The following ARHGAP22 variants were observed in gnomAD, a reference collection of about 807,000 sequenced individuals.
ARHGAP22 encodes rho GTPase-activating protein 22.
A neutral mutation model predicts 59.1 loss-of-function variants in ARHGAP22; 48 were observed. The ratio of observed to expected loss-of-function variants is 0.81; its 90% CI spans 0.64 to 1.03. ARHGAP22 has a LOEUF of 1.03. Among genes scored for constraint, ARHGAP22 ranks in the 50% least tolerant of loss-of-function variants. ARHGAP22 has a pLI of 0.00. For synonymous variants in ARHGAP22, 445 were observed against 416.4 expected, an observed-to-expected ratio of 1.07 and a Z score of -0.84; for missense variants, 1,015 against 958.7, an observed-to-expected ratio of 1.06 and a Z score of -0.78.
At chr10:48,439,646 G>A in the ARHGAP22 span, among the ~76,000 whole-genome samples, 1 of 152,082 alleles carries the variant, frequency 6.6e-6, no homozygotes, top group Admixed American at 6.5e-5. Context: ...AACAGCCATC[G>A]TGACCACTTG....
At chr10:48,649,540 G>A (rs762457638) in intron 1 of ARHGAP22, among the ~76,000 whole-genome samples, 14 of 152,172 alleles carry the variant, frequency 9.2e-5, no homozygotes, top group African/African-American at 2.9e-4. Context: ...CTGTGATCCC[G>A]AGGCACAGTG....
Position 48,479,727 on chromosome 10 carries a change from G to A in ARHGAP22, c.360C>T (p.Pro120=), listed in dbSNP as rs144576971. Residue 120 remains proline, a synonymous_variant, in exon 4 of 10, where the codon CCC becomes CCT. Transcript: ENST00000249601. ...AGEREKVPAN[P]EALLLMASSQ... The stretch of plus-strand genomic sequence containing the variant: ...AGCTGGCCATGAGCAGGAGCGCCTC[G>A]GGGTTGGCCGGCACCTTCTCCCGCT... The A allele has an allele frequency of 1.6e-4, 252 of 1,602,068 alleles. 1 individual carries two copies. The highest frequency in any genetic ancestry group is 3.4e-4 in the Admixed American group (20 of 59,128).
At chr10:48,615,986 A>C (rs554115892) in intron 1 of ARHGAP22, among the ~76,000 whole-genome samples, 1 of 152,056 alleles carries the variant, frequency 6.6e-6, no homozygotes, top group East Asian at 1.9e-4. Context: ...GAAGATGAGC[A>C]AAGCCTAAGA....
intron 1 of ARHGAP22, among the ~76,000 whole-genome samples, chr10:48,622,893 A>G (rs1375086566): frequency 6.6e-6 from 1 of 152,214 alleles, no homozygotes; most frequent in Non-Finnish European, 1.5e-5. Flanking sequence ...AAGAGCCACT[A>G]AAGTAGTGGG....
intron 3 of ARHGAP22, among the ~76,000 whole-genome samples, chr10:48,516,154 T>G (rs1057402680): frequency 6.6e-6 from 1 of 152,012 alleles, no homozygotes; most frequent in Non-Finnish European, 1.5e-5. Flanking sequence ...AAAAATAAAA[T>G]TATTAAAATC....
chr10:48,628,100 G>A (rs763761660), intron 1 of ARHGAP22, among the ~76,000 whole-genome samples: 2 of 152,222 alleles, frequency 1.3e-5, no homozygotes, highest in Non-Finnish European at 2.9e-5. Context: ...GTGGGTGAGT[G>A]AGTCTATCTT....
intron 1 of ARHGAP22, chr10:48,624,924 A>T (rs1436053519): frequency 6.6e-6 from 1 of 152,264 alleles, no homozygotes; most frequent in Non-Finnish European, 1.5e-5. Flanking sequence ...CAGACGGCAG[A>T]CCTATGTAAG....
chr10:48,489,955 G>A (rs2050217855), intron 3 of ARHGAP22, among the ~76,000 whole-genome samples: 3 of 152,034 alleles, frequency 2.0e-5, no homozygotes, highest in Non-Finnish European at 4.4e-5. Context: ...GGATGGTCTG[G>A]ATCTCCTGAC....
At chr10:48,495,662 G>A (rs377500604) in intron 3 of ARHGAP22, among the ~76,000 whole-genome samples, 8 of 152,330 alleles carry the variant, frequency 5.3e-5, no homozygotes, top group African/African-American at 1.9e-4. Context: ...TCAGACTCTT[G>A]TGTAATTACT....
chr10:48,464,897 G>A (rs1362482784), intron 4 of ARHGAP22, among the ~76,000 whole-genome samples: 2 of 152,282 alleles, frequency 1.3e-5, no homozygotes, highest in East Asian at 3.9e-4. Context: ...GCTGGCCACT[G>A]GAACCCTTGG....
rs371786363 is a variant in ARHGAP22, at chr10:48,479,619, C to A, written c.451+17G>T. 7.2e-5 allele frequency: 116 copies of A among 1,613,784 alleles called. No homozygotes were observed. In the Admixed American group the frequency reaches 7.8e-4, roughly 11 times the overall value. On this transcript the variant is annotated intron_variant, in intron 4 of 9. Coordinates refer to ENST00000249601, the MANE Select transcript of ARHGAP22 (RefSeq NM_021226.4). The stretch of plus-strand genomic sequence containing the variant: ...GCAAGGGTTCTAGAGGGTGGGCATG[C>A]GATCTACGGGCAGTACCTCCGCCCA...
In ARHGAP22 at chr10:48,550,618, G is replaced by A. The variant is rs185230713; in HGVS notation, c.322+4845C>T. Among the ~76,000 whole-genome samples, 876 of 152,322 alleles carry A rather than the reference G, an allele frequency of 5.8e-3. 12 individuals are homozygous for A. Among genetic ancestry groups the A allele is most frequent in the African/African-American group, 0.02 (819 of 41,564 alleles). ...TTGCAAGCCACAGGTTTCAGATGGC[G>A]AAACCATGAAATAGGAAGATGCTGG... On this transcript the variant is annotated intron_variant, in intron 3 of 9. Transcript: ENST00000249601.
At chr10:48,475,085 CCCT>C (rs1364099222) in intron 4 of ARHGAP22, among the ~76,000 whole-genome samples, 1 of 152,144 alleles carries the variant, frequency 6.6e-6, no homozygotes, top group Non-Finnish European at 1.5e-5. Context: ...ACTCCAATTC[CCCT>C]CCTATCATCC....
At chr10:48,607,321 A>C (rs950048320), upstream of ARHGAP22, among the ~76,000 whole-genome samples, 5 of 152,334 alleles carry the variant, frequency 3.3e-5, no homozygotes, top group East Asian at 9.6e-4. Flanking sequence ...CTCACACCCC[A>C]GAAGTCAGGC....
chr10:48,562,077 T>A (rs2057722983), intron 2 of ARHGAP22, among the ~76,000 whole-genome samples: 1 of 151,718 alleles, frequency 6.6e-6, no homozygotes, highest in Non-Finnish European at 1.5e-5. Context: ...AATACAAAAA[T>A]TTGCGGGGTG....
chr10:48,555,035 G>A (rs1316629095), intron 3 of ARHGAP22, among the ~76,000 whole-genome samples: 1 of 152,206 alleles, frequency 6.6e-6, no homozygotes, highest in Non-Finnish European at 1.5e-5. Flanking sequence ...CAGTAGAGCA[G>A]TTCTTTAGGA....
At chr10:48,537,473 G>T (rs911221002) in intron 3 of ARHGAP22, among the ~76,000 whole-genome samples, 2 of 152,244 alleles carry the variant, frequency 1.3e-5, no homozygotes, top group Non-Finnish European at 2.9e-5. Context: ...ATCAGGGGAG[G>T]CCTGGTTCTC....
Position 48,604,687 on chromosome 10 carries a change from G to A in ARHGAP22, c.34+76C>T, listed in dbSNP as rs76054614. On this transcript the variant is annotated intron_variant, in intron 1 of 9. Coordinates refer to ENST00000249601, the MANE Select transcript of ARHGAP22 (RefSeq NM_021226.4). The stretch of plus-strand genomic sequence containing the variant: ...CGCCCCATGTGACACATGGCGTGAC[G>A]GCTGGCCAAGTGTCCGCGCACGTTT... The A allele has an allele frequency of 6.3e-3, 10,075 of 1,610,682 alleles. 54 individuals carry two copies. Among genetic ancestry groups the A allele is most frequent in the Middle Eastern group, 0.01 (63 of 6,060 alleles).
chr10:48,567,338 C>T (rs1272636960), intron 2 of ARHGAP22, among the ~76,000 whole-genome samples: 2 of 152,178 alleles, frequency 1.3e-5, no homozygotes, highest in African/African-American at 4.8e-5. Context: ...CGACCATGCT[C>T]ATGGGAATGA....
Sources: gnomAD v4.1 joint callset for allele counts (sites outside exome capture counted in the v4.1 genomes callset) on GRCh38, gnomAD v4.1.1 for gene constraint, MANE v1.5 for transcripts, NCBI Gene and HGNC (gene_info 2026-07-23, HGNC 2026-07-21) for gene names.